Variants in ZFHX3 observed in about 807,000 individuals in gnomAD.
ZFHX3 encodes the protein zinc finger homeobox 3, also known as zinc finger homeobox protein 3.
Under a neutral mutation model 279.1 loss-of-function variants are expected in ZFHX3, and 42 were observed. That is an observed-to-expected ratio of 0.15 (90% CI 0.12 to 0.19). The LOEUF is 0.19. ZFHX3 is among the 10% of genes least tolerant of loss of function. The pLI, the probability that ZFHX3 is intolerant of heterozygous loss-of-function variation, is 1.00. For synonymous variants in ZFHX3, 2,293 were observed against 1,957.8 expected (o/e 1.17, Z -4.52); for missense variants, 4,981 against 4,754.0 (o/e 1.05, Z -1.40).
chr16:73,776,010 T>C (rs892611033), intron 1 of ZFHX3, among the ~76,000 whole-genome samples: 11 of 152,196 alleles, frequency 7.2e-5, no homozygotes, highest in Non-Finnish European at 1.5e-4. Flanking sequence ...AATTCTTGCT[T>C]TTGTGTCTGG....
At position 73,316,198 on chromosome 16, in the gene ZFHX3, C is replaced by G. The variant is rs184761639; in HGVS notation, c.-1194+2042G>C. ...CAGGAGAAAAATCCCCATTGCATAT[C>G]TCTATCTTGCAGTATAACCCTGAGG... On this transcript the variant is annotated intron_variant, in intron 4 of 17. Transcript: ENST00000641206. Among the ~76,000 whole-genome samples the G allele has an allele frequency of 2.4e-3, 372 of 152,316 alleles. 1 individual carries two copies. Among genetic ancestry groups the G allele is most frequent in the African/African-American group, 8.6e-3 (358 of 41,572 alleles).
chr16:73,044,635 TGGAGTTTC>T (rs1265222065), intron 1 of ZFHX3, among the ~76,000 whole-genome samples: 17 of 151,984 alleles, frequency 1.1e-4, no homozygotes, highest in Admixed American at 2.0e-4. Context: ...TGCTTTGAGA[TGGAGTTTC>T]GGAGTTTCGC....
At chr16:73,515,662 G>C (rs1188618000) in intron 2 of ZFHX3, among the ~76,000 whole-genome samples, 2 of 152,164 alleles carry the variant, frequency 1.3e-5, no homozygotes, top group African/African-American at 4.8e-5. Flanking sequence ...TTCTTTAGAA[G>C]TACGTAATAC....
intron 4 of ZFHX3, among the ~76,000 whole-genome samples, chr16:73,294,824 A>C (rs1693998678): frequency 6.7e-6 from 1 of 148,736 alleles, no homozygotes; most frequent in Non-Finnish European, 1.5e-5. Flanking sequence ...AAAAAAAAAA[A>C]CCAAAAAACA....
intron 5 of ZFHX3, among the ~76,000 whole-genome samples, chr16:72,818,562 G>C (rs777493403): frequency 1.3e-5 from 2 of 152,188 alleles, no homozygotes; most frequent in Non-Finnish European, 2.9e-5. Flanking sequence ...CTCCAACCAA[G>C]CACTTAGAGA....
chr16:72,784,767 C>CTTTCT lies in ZFHX3; in HGVS notation c.*2392_*2396dup, dbSNP rs2035284002. On this transcript the variant is annotated 3_prime_UTR_variant, in exon 10 of 10. Coordinates refer to ENST00000268489, the MANE Select transcript of ZFHX3 (RefSeq NM_006885.4). ...CTGGTATGAATAGTTAGATGGTATT[C>CTTTCT]TTTCTTTAGTATTTCTACTTAAAAA... is the stretch of plus-strand genomic sequence containing the variant. 1 of 152,534 alleles carries CTTTCT rather than the reference C, an allele frequency of 6.6e-6. No individual in the cohort carries two copies. The highest frequency in any genetic ancestry group is 1.5e-5 in the Non-Finnish European group (1 of 67,974). 9.4% of individuals were successfully genotyped at this position (152,534 alleles called of 1,614,324 possible). A position where few individuals can be genotyped will look rare whatever the true frequency, so the allele number is the denominator to read the frequency against.
chr16:73,705,779 G>C (rs888568708), intron 1 of ZFHX3, among the ~76,000 whole-genome samples: 1 of 152,124 alleles, frequency 6.6e-6, no homozygotes, highest in African/African-American at 2.4e-5. Flanking sequence ...AAGAATTAAT[G>C]TTTTCCTAGT....
intron 2 of ZFHX3, among the ~76,000 whole-genome samples, chr16:73,515,662 G>A (rs1188618000): frequency 1.3e-5 from 2 of 152,282 alleles, no homozygotes; most frequent in South Asian, 2.1e-4. Flanking sequence ...TTCTTTAGAA[G>A]TACGTAATAC....
At chr16:72,886,544 G>T (rs925451826) in intron 4 of ZFHX3, among the ~76,000 whole-genome samples, 1 of 152,092 alleles carries the variant, frequency 6.6e-6, no homozygotes, top group African/African-American at 2.4e-5. Context: ...TGTTTAGTGT[G>T]GGGCACCTCA....
At chr16:73,163,917 C>T (rs1967300343) in intron 5 of ZFHX3, among the ~76,000 whole-genome samples, 1 of 152,170 alleles carries the variant, frequency 6.6e-6, no homozygotes, top group South Asian at 2.1e-4. Context: ...CACTTTCACT[C>T]TCTTTCTTGC....
Position 72,889,924 on chromosome 16 carries a change from G to A in ZFHX3, c.3255C>T (p.Ser1085=), listed in dbSNP as rs2144076074. 1.2e-6 allele frequency: 2 copies of A among 1,614,126 alleles called. No individual in the cohort carries two copies. The highest frequency in any genetic ancestry group is 1.7e-6 in the Non-Finnish European group (2 of 1,180,036). Residue 1085 remains serine (S), a synonymous_variant, in exon 4 of 10, where the codon AGC becomes AGT. Transcript: ENST00000268489. ...QQHESGVEGE[S]CYYHCVLCNY... is the part of the protein sequence containing the mutation. ...TGCACAGAACGCAGTGGTAGTAGCA[G>A]CTCTCACCTTCTACACCACTCTCAT...
chr16:73,577,746 C>T (rs940805791), intron 2 of ZFHX3, among the ~76,000 whole-genome samples: 1 of 152,188 alleles, frequency 6.6e-6, no homozygotes, highest in Non-Finnish European at 1.5e-5. Flanking sequence ...GGAAGAAATT[C>T]ATGATTTAAA....
rs74776746 is a variant in ZFHX3 at position 73,417,047 on chromosome 16, A to G, written c.-1291+38956T>C. Among the ~76,000 whole-genome samples the G allele has an allele frequency of 1.8e-4, 28 of 152,180 alleles. 1 individual carries two copies. The highest frequency in any genetic ancestry group is 6.5e-4 in the African/African-American group (27 of 41,464). On this transcript the variant is annotated intron_variant, in intron 3 of 17. Transcript: ENST00000641206. ...ACTATCAGTTATAAGCCAAACTGAC[A>G]TCACGCACCCCGCATATAATACCCT...
chr16:72,920,750 G>A (rs2039564261), intron 3 of ZFHX3, among the ~76,000 whole-genome samples: 1 of 151,516 alleles, frequency 6.6e-6, no homozygotes, highest in African/African-American at 2.4e-5. Context: ...TTCCTCAAGT[G>A]GAAGACAACA....
chr16:73,105,420 TATATATATATATACACACACACAC>T (rs1567389885), intron 7 of ZFHX3, among the ~76,000 whole-genome samples: 54 of 77,916 alleles, frequency 6.9e-4, no homozygotes, highest in South Asian at 5.3e-3. Context: ...CACACACACA[TATATATATATATACACACACACAC>T]ATATATATAT....
rs571984742 is a variant in ZFHX3, at chr16:72,852,005, T to C, written c.3449-22146A>G. On this transcript the variant is annotated intron_variant, in intron 4 of 9. Coordinates refer to ENST00000268489, the MANE Select transcript of ZFHX3 (RefSeq NM_006885.4). ...TAAAACTTCTGCCATTTTCACTTAA[T>C]GGAAGACTCTTCTGGGATTGCAAGG... is the stretch of plus-strand genomic sequence containing the variant. Among the ~76,000 whole-genome samples the C allele has an allele frequency of 2.0e-5, 3 of 152,342 alleles. No homozygotes were observed. The South Asian group carries it at 6.2e-4, about 32-fold the overall frequency.
chr16:73,341,777 A>G (rs2016038027), intron 3 of ZFHX3, among the ~76,000 whole-genome samples: 1 of 152,228 alleles, frequency 6.6e-6, no homozygotes, highest in Non-Finnish European at 1.5e-5. Context: ...TGGAGTACTG[A>G]TATATACCAT....
intron 3 of ZFHX3, among the ~76,000 whole-genome samples, chr16:72,917,608 C>T (rs2039473650): frequency 6.6e-6 from 1 of 152,144 alleles, no homozygotes; most frequent in South Asian, 2.1e-4. Context: ...AAAAAGGTCA[C>T]ACATTGTAAA....
intron 5 of ZFHX3, among the ~76,000 whole-genome samples, chr16:73,206,278 T>C (rs975028283): frequency 6.6e-6 from 1 of 152,212 alleles, no homozygotes; most frequent in African/African-American, 2.4e-5. Context: ...TTAATATTTC[T>C]TTGATGAGTC....
Sources: gnomAD v4.1 joint callset for allele counts (sites outside exome capture counted in the v4.1 genomes callset) on GRCh38, gnomAD v4.1.1 for gene constraint, MANE v1.5 for transcripts, NCBI Gene and HGNC (gene_info 2026-07-23, HGNC 2026-07-21) for gene names.